TENM3: variants seen among roughly 807,000 people sequenced by gnomAD.
TENM3 encodes the protein teneurin-3.
In TENM3, 63 loss-of-function variants were observed where a neutral mutation model predicts 255.1. That is an observed-to-expected ratio of 0.25 (90% confidence interval 0.20 to 0.30). The LOEUF (loss-of-function observed/expected upper bound fraction) is 0.30, where lower values mean the gene tolerates loss of function less well. Among genes scored for constraint, TENM3 ranks in the 10% least tolerant of loss-of-function variants. The pLI is 1.00. For synonymous variants in TENM3, 1,306 were observed against 1,322.3 expected (o/e 0.99, Z 0.27); for missense variants, 2,929 against 3,461.1 (o/e 0.85, Z 3.86).
At chr4:181,809,502 A>G in the TENM3 span, among the ~76,000 whole-genome samples, 2 of 152,080 alleles carry the variant, frequency 1.3e-5, no homozygotes, top group African/African-American at 4.8e-5. Flanking sequence ...GCCCTGACCT[A>G]CTTACGGAGT....
At chr4:181,659,642 A>G in the TENM3 span, among the ~76,000 whole-genome samples, 7 of 152,226 alleles carry the variant, frequency 4.6e-5, no homozygotes, top group Non-Finnish European at 7.3e-5. Context: ...CTTGAATTAT[A>G]TAAAAGGTAT....
At chr4:182,624,394 C>T (rs1047731527) in intron 4 of TENM3, among the ~76,000 whole-genome samples, 2 of 152,196 alleles carry the variant, frequency 1.3e-5, no homozygotes, top group African/African-American at 4.8e-5. Context: ...TGTTTCTCTA[C>T]ACGCAGCTTT....
the TENM3 span, among the ~76,000 whole-genome samples, chr4:181,868,214 G>A: frequency 6.6e-6 from 1 of 151,880 alleles, no homozygotes; most frequent in Non-Finnish European, 1.5e-5. Context: ...TTCTCCACAC[G>A]CCAACAGGTA....
At chr4:181,510,379 C>T in the TENM3 span, among the ~76,000 whole-genome samples, 1 of 152,240 alleles carries the variant, frequency 6.6e-6, no homozygotes, top group South Asian at 2.1e-4. Flanking sequence ...AAAACAAAGC[C>T]TCTGAGAGAT....
At chr4:182,400,784 GT>G (rs1034640329) in intron 3 of TENM3, among the ~76,000 whole-genome samples, 5 of 152,010 alleles carry the variant, frequency 3.3e-5, no homozygotes, top group African/African-American at 1.2e-4. Flanking sequence ...TTACTGAAAA[GT>G]TTTTTTTCCA....
chr4:182,542,468 G>A (rs1280775761), intron 3 of TENM3, among the ~76,000 whole-genome samples: 1 of 152,170 alleles, frequency 6.6e-6, no homozygotes, highest in East Asian at 1.9e-4. Context: ...TCTTGAAGGA[G>A]ATGTTTTTCT....
chr4:182,496,557 T>G (rs540607304), intron 3 of TENM3, among the ~76,000 whole-genome samples: 4 of 152,248 alleles, frequency 2.6e-5, no homozygotes, highest in African/African-American at 9.6e-5. Context: ...GGTGGGAGAT[T>G]TGATTGATTT....
chr4:182,106,210 T>C, the TENM3 span, among the ~76,000 whole-genome samples: 149,807 of 152,324 alleles, frequency 0.98, 73,716 homozygotes, highest in East Asian at 1. Context: ...ACCTGGAATC[T>C]CAGCACTTTG....
upstream of TENM3, chr4:182,142,232 T>A (rs1328708258): frequency 6.6e-6 from 1 of 152,132 alleles, no homozygotes; most frequent in African/African-American, 2.4e-5. Flanking sequence ...AGGAGATGGA[T>A]CTATCCCAGG....
At chr4:182,259,026 G>A (rs1308360572) in intron 1 of TENM3, among the ~76,000 whole-genome samples, 2 of 152,164 alleles carry the variant, frequency 1.3e-5, no homozygotes, top group African/African-American at 4.8e-5. Flanking sequence ...AATTAGAGAA[G>A]GCAGATACCT....
the TENM3 span, among the ~76,000 whole-genome samples, chr4:181,727,365 A>G: frequency 4.6e-5 from 7 of 152,228 alleles, no homozygotes; most frequent in Non-Finnish European, 8.8e-5. Flanking sequence ...TTTATTGCTT[A>G]GGAACTACTT....
intron 3 of TENM3, among the ~76,000 whole-genome samples, chr4:182,587,475 A>G (rs1461982785): frequency 2.6e-5 from 4 of 152,214 alleles, no homozygotes; most frequent in Admixed American, 2.6e-4. Flanking sequence ...GCTACTGGGG[A>G]GGCTGAGGCA....
chr4:181,683,695 G>A, the TENM3 span, among the ~76,000 whole-genome samples: 82 of 152,288 alleles, frequency 5.4e-4, 1 homozygote, highest in Non-Finnish European at 1.0e-3. Flanking sequence ...TAGGAGAGGC[G>A]AAGAGGGTAT....
intron 3 of TENM3, among the ~76,000 whole-genome samples, chr4:182,598,435 C>T (rs535045124): frequency 2.6e-4 from 40 of 152,300 alleles, no homozygotes; most frequent in African/African-American, 8.7e-4. Flanking sequence ...TGTAAGTTCT[C>T]AGCAGACACT....
At chr4:181,780,742 T>G in the TENM3 span, among the ~76,000 whole-genome samples, 3 of 152,152 alleles carry the variant, frequency 2.0e-5, no homozygotes, top group Non-Finnish European at 4.4e-5. Flanking sequence ...ATTGCTTAGG[T>G]TTTCTTCTAG....
At chr4:181,936,402 G>T in the TENM3 span, among the ~76,000 whole-genome samples, 4 of 152,120 alleles carry the variant, frequency 2.6e-5, no homozygotes, top group South Asian at 8.3e-4. Context: ...CAAAAGAAAA[G>T]GAATCAGATG....
the TENM3 span, among the ~76,000 whole-genome samples, chr4:181,936,745 T>C: frequency 6.6e-6 from 1 of 151,840 alleles, no homozygotes; most frequent in Non-Finnish European, 1.5e-5. Flanking sequence ...TGGCTTAATC[T>C]AGGGGACAGG....
intron 13 of TENM3, 87 bp from the exon 14 acceptor site, chr4:182,728,878 A>G (rs1234015533): frequency 9.1e-7 from 1 of 1,095,462 alleles, no homozygotes; most frequent in African/African-American, 1.6e-5. Flanking sequence ...GATGTGAAAA[A>G]AAAAAAAACA....
chr4:181,806,023 A>G, the TENM3 span, among the ~76,000 whole-genome samples: 1 of 152,188 alleles, frequency 6.6e-6, no homozygotes, highest in Non-Finnish European at 1.5e-5. Flanking sequence ...ACAAACCTGC[A>G]GTATCATTTT....
Sources: allele counts gnomAD v4.1 joint callset (sites outside exome capture counted in the v4.1 genomes callset), GRCh38; gene constraint gnomAD v4.1.1; transcripts MANE v1.5; gene names NCBI Gene and HGNC (gene_info 2026-07-23, HGNC 2026-07-21).